Variants in MGA observed in about 807,000 individuals in gnomAD.
The protein encoded by MGA is MAX dimerization protein MGA, also known as MAX gene-associated protein.
MGA carries 40 observed loss-of-function variants against 261.1 expected under a neutral mutation model. The observed-to-expected ratio is 0.15, with a 90% CI of 0.12 to 0.20. The LOEUF (loss-of-function observed/expected upper bound fraction) is 0.20, where lower values mean the gene tolerates loss of function less well. Among genes scored for constraint, MGA ranks in the 10% least tolerant of loss-of-function variants. MGA has a pLI of 1.00. For synonymous variants in MGA, 1,302 were observed against 1,290.6 expected (o/e 1.01, Z -0.19); for missense variants, 3,397 against 3,630.5 (o/e 0.94, Z 1.65).
intron 9 of MGA, chr15:41,718,344 A>C: frequency 2.6e-6 from 1 of 380,496 alleles, no homozygotes. Context: ...CATGTATAGT[A>C]TTATTTAGTT....
intron 15 of MGA, among the ~76,000 whole-genome samples, chr15:41,747,565 A>C (rs1184587681): frequency 1.3e-5 from 2 of 150,624 alleles, no homozygotes; most frequent in South Asian, 2.1e-4. Flanking sequence ...CTCCATCTCC[A>C]CAAAAAAAAA....
chr15:41,718,014 CA>C (rs759110458), intron 9 of MGA, among the ~76,000 whole-genome samples: 3,666 of 90,276 alleles, frequency 0.041, 57 homozygotes, highest in Non-Finnish European at 0.059. Context: ...GACCCTGTCT[CA>C]AAAAAAAAAA....
At chr15:41,629,582 T>A (rs1039453607) in intron 1 of MGA, among the ~76,000 whole-genome samples, 90 of 151,538 alleles carry the variant, frequency 5.9e-4, no homozygotes, top group African/African-American at 2.1e-3. Context: ...AAAAAAAAAA[T>A]TAGCTGGGTG....
intron 1 of MGA, among the ~76,000 whole-genome samples, chr15:41,651,625 T>TCTCCTCTCC (rs1555403106): frequency 2.2e-5 from 2 of 90,494 alleles, no homozygotes; most frequent in African/African-American, 4.3e-5. Context: ...CTCTCCTCTC[T>TCTCCTCTCC]CCTCTTCTCT....
intron 9 of MGA, among the ~76,000 whole-genome samples, chr15:41,715,435 C>T (rs890927683): frequency 1.3e-5 from 2 of 151,894 alleles, no homozygotes; most frequent in Non-Finnish European, 2.9e-5. Context: ...TCTTTAAAGT[C>T]TTGTTTAGAA....
intron 2 of MGA, among the ~76,000 whole-genome samples, chr15:41,675,619 C>T (rs1187466320): frequency 1.3e-5 from 2 of 152,146 alleles, no homozygotes; most frequent in Admixed American, 6.6e-5. Flanking sequence ...TACAAGGATC[C>T]TCCTACCTCA....
chr15:41,711,456 T>G, intron 8 of MGA, 107 bp downstream of exon 8: 1 of 1,163,646 alleles, frequency 8.6e-7, no homozygotes, highest in Non-Finnish European at 1.2e-6. Flanking sequence ...TCAGCTAGTT[T>G]TTAGCATTTA....
chr15:41,742,373 G>T (rs2062162848), intron 14 of MGA, among the ~76,000 whole-genome samples, 173 bp from the exon 15 acceptor site: 1 of 151,752 alleles, frequency 6.6e-6, no homozygotes, highest in Non-Finnish European at 1.5e-5. Context: ...TGGGCAACAA[G>T]AAAGAAACTC....
intron 2 of MGA, among the ~76,000 whole-genome samples, chr15:41,687,438 C>T (rs955727889): frequency 6.6e-6 from 1 of 152,072 alleles, no homozygotes; most frequent in African/African-American, 2.4e-5. Context: ...TATGTATTGT[C>T]TGTAGCTTGA....
intron 23 of MGA, 57 bp downstream of exon 23, chr15:41,765,119 C>A: frequency 1.9e-6 from 3 of 1,570,116 alleles, no homozygotes; most frequent in South Asian, 2.2e-5. Context: ...TAACATCTCA[C>A]GGTGACCAAG....
At position 41,766,996 on chromosome 15, in the gene MGA, G is replaced by T; in HGVS notation, c.8914G>T (p.Gly2972Cys). The change falls in exon 24 of 24, where the codon GGC (glycine) becomes TGC (cysteine). Residue 2972 changes from glycine (G) to cysteine (C), a missense_variant. Around this residue, in one of 9 missense-constraint regions of MGA, gnomAD observed 647 missense variants for 642.4 expected, o/e 1.01. Coordinates refer to ENST00000219905, the MANE Select transcript of MGA (RefSeq NM_001164273.2). ...ACCCCCCACCCTACACATGAAGACT[G>T]GCTTGGAGAACAGCAACAGCACAGA... 6.2e-7 allele frequency: 1 copy of T among 1,613,974 alleles called. No individual in the cohort carries two copies. The highest frequency in any genetic ancestry group is 8.5e-7 in the Non-Finnish European group (1 of 1,179,900).
chr15:41,681,641 G>A (rs2058686712), intron 2 of MGA, among the ~76,000 whole-genome samples: 1 of 151,886 alleles, frequency 6.6e-6, no homozygotes, highest in Admixed American at 6.6e-5. Context: ...GTAGAGATAG[G>A]ATTTCACCAT....
In MGA at chr15:41,767,638, CT is replaced by C. The variant is rs2063865349; in HGVS notation, c.*361del. 1 of 253,406 alleles carries C rather than the reference CT, an allele frequency of 3.9e-6. No individual in the cohort carries two copies. Among genetic ancestry groups the C allele is most frequent in the African/African-American group, 2.2e-5 (1 of 45,506 alleles). 15.7% of individuals were successfully genotyped at this position (253,406 alleles called of 1,614,324 possible). A position where few individuals can be genotyped will look rare whatever the true frequency, so the allele number is the denominator to read the frequency against. On this transcript the variant is annotated 3_prime_UTR_variant, in exon 24 of 24. Coordinates refer to ENST00000219905, the MANE Select transcript of MGA (RefSeq NM_001164273.2). ...CCACAAGCGAAAGAGCTGTTTGCAACTTTGGAGTTGCTGTAGACTGAACTGT... is the reference window on the plus strand; with the variant it reads ...CCACAAGCGAAAGAGCTGTTTGCAACTTGGAGTTGCTGTAGACTGAACTGT...
rs2063522462 is a variant in MGA, at chr15:41,762,460, GGTTTTTTTTTTTTTTT to G, written c.7744+99_7744+114del. ...CTTGTCCACATTTTTAGTTTTGTGT[GGTTTTTTTTTTTTTTT>G]TTTTTTTTTTTTTTTGGAGACAGCT... On this transcript the variant is annotated intron_variant, in intron 22 of 23. Transcript: ENST00000219905. The G allele has an allele frequency of 1.1e-5, 2 of 190,348 alleles. 1 individual carries two copies. Among genetic ancestry groups the G allele is most frequent in the African/African-American group, 8.4e-5 (2 of 23,822 alleles). The allele number at this position is 190,348 out of a possible 1,614,324, so 11.8% of individuals were successfully genotyped here.
chr15:41,723,790 A>C (rs1328147827), intron 9 of MGA, among the ~76,000 whole-genome samples: 2 of 152,174 alleles, frequency 1.3e-5, no homozygotes, highest in Non-Finnish European at 2.9e-5. Flanking sequence ...TACCCCTCTC[A>C]GTCAAATCCT....
At chr15:41,748,522 C>T in intron 15 of MGA, 115 bp from the exon 16 acceptor site, 1 of 1,229,230 alleles carries the variant, frequency 8.1e-7, no homozygotes, top group Non-Finnish European at 1.1e-6. Context: ...TGTCATTGCA[C>T]TCCAGCCTGA....
At chr15:41,752,896 T>G (rs1272822242) in intron 17 of MGA, among the ~76,000 whole-genome samples, 1 of 152,156 alleles carries the variant, frequency 6.6e-6, no homozygotes, top group Non-Finnish European at 1.5e-5. Flanking sequence ...ATTGCTTGAA[T>G]GTACTAATAG....
chr15:41,721,746 A>G (rs1328040189), intron 9 of MGA, among the ~76,000 whole-genome samples: 1 of 152,218 alleles, frequency 6.6e-6, no homozygotes. Context: ...GAAATCTCCT[A>G]CACTGCTGAT....
rs1379312041 is a variant in MGA, at chr15:41,749,546, A to G, written c.5939A>G (p.Glu1980Gly). Residue 1980 changes from glutamate (E) to glycine (G), a missense_variant, in exon 17 of 24, where the codon GAA becomes GGA. This residue lies in a region of MGA where 1,410 missense variants were observed against 1,386.4 expected (regional missense o/e 1.02). Coordinates refer to ENST00000219905, the MANE Select transcript of MGA (RefSeq NM_001164273.2). ...TCTCAGAATCCAGACCAGAAAGATGAAACAAACTCAATAAAAAGAGAGCAA... is the reference window on the plus strand; with the variant it reads ...TCTCAGAATCCAGACCAGAAAGATGGAACAAACTCAATAAAAAGAGAGCAA... The G allele has an allele frequency of 6.2e-7, 1 of 1,613,830 alleles. No individual in the cohort carries two copies. The highest frequency in any genetic ancestry group is 1.3e-5 in the African/African-American group (1 of 74,928).
Sources: gnomAD v4.1 joint callset for allele counts (sites outside exome capture counted in the v4.1 genomes callset) on GRCh38, gnomAD v4.1.1 for gene constraint, gnomAD v4.1.1 regional missense constraint, MANE v1.5 for transcripts, NCBI Gene and HGNC (gene_info 2026-07-23, HGNC 2026-07-21) for gene names.